Variants in ZCCHC9 observed in about 807,000 individuals in gnomAD.
ZCCHC9 encodes zinc finger CCHC-type containing 9.
ZCCHC9 carries 18 observed loss-of-function variants against 30.8 expected under a neutral mutation model. That is an observed-to-expected ratio of 0.58 (90% CI 0.40 to 0.87). The LOEUF is 0.87. ZCCHC9 is among the 40% of genes least tolerant of loss of function. ZCCHC9 has a pLI of 0.00. For synonymous variants in ZCCHC9, 94 were observed against 106.7 expected, an observed-to-expected ratio of 0.88 and a Z score of 0.73; for missense variants, 279 against 331.2, an observed-to-expected ratio of 0.84 and a Z score of 1.22.
rs1758150698 is a variant in ZCCHC9, at chr5:81,308,361, T to C, written c.385-200T>C. The C allele has an allele frequency of 5.4e-6, 3 of 559,184 alleles. 1 individual carries two copies. The East Asian group carries it at 1.0e-4, about 19-fold the overall frequency. 34.6% of individuals were successfully genotyped at this position (559,184 alleles called of 1,614,324 possible). On this transcript the variant is annotated intron_variant, in intron 2 of 5. Coordinates refer to ENST00000407610, the MANE Select transcript of ZCCHC9 (RefSeq NM_001131035.2). ...ATTTATGGATTTATTGATTGAGGTTTTCAAAAGCAATGAAACCCTCTGATG... is the reference window on the plus strand; with the variant it reads ...ATTTATGGATTTATTGATTGAGGTTCTCAAAAGCAATGAAACCCTCTGATG...
chr5:81,303,941 C>T (rs754287453), intron 1 of ZCCHC9: 8 of 152,138 alleles, frequency 5.3e-5, no homozygotes, highest in Non-Finnish European at 1.2e-4. Flanking sequence ...GTGACCAAAA[C>T]TTTTTTCCAT....
intron 5 of ZCCHC9, among the ~76,000 whole-genome samples, chr5:81,311,490 TA>T (rs1201978210): frequency 2.6e-5 from 4 of 152,156 alleles, no homozygotes; most frequent in African/African-American, 9.7e-5. Context: ...CAGTAAGCCT[TA>T]GGGGACCCTG....
rs749747517 is a variant in ZCCHC9 at position 81,308,615 on chromosome 5, C to G, written c.439C>G (p.Leu147Val). Reference protein sequence around the residue: ...GHGIADCPAALENQDMGTGIC... With the variant: ...GHGIADCPAAVENQDMGTGIC... ...TGGAATTGCAGATTGCCCCGCCGCC[C>G]TTGAAAATCAAGACATGGGCACTGG... is the stretch of plus-strand genomic sequence containing the variant. Residue 147 changes from leucine (L) to valine (V), a missense_variant, in exon 3 of 6, where the codon CTT becomes GTT. Physicochemically the swap from Leu to Val is conservative, Grantham distance 32. Coordinates refer to ENST00000407610, the MANE Select transcript of ZCCHC9 (RefSeq NM_001131035.2). 6.2e-7 allele frequency: 1 copy of G among 1,613,690 alleles called. No individual in the cohort carries two copies. The highest frequency in any genetic ancestry group is 1.1e-5 in the South Asian group (1 of 91,042).
At chr5:81,308,505 TAATA>T in intron 2 of ZCCHC9, 52 bp from the exon 3 acceptor site, 1 of 1,479,958 alleles carries the variant, frequency 6.8e-7, no homozygotes, top group Non-Finnish European at 9.0e-7. Flanking sequence ...TAACAAGAAT[TAATA>T]AAGTCACTGG....
In ZCCHC9 at chr5:81,313,071, A is replaced by G. The variant is rs565157474; in HGVS notation, c.*409A>G. The G allele has an allele frequency of 5.9e-5, 9 of 152,664 alleles. No homozygotes were observed. Among genetic ancestry groups the G allele is most frequent in the Non-Finnish European group, 1.0e-4 (7 of 68,276 alleles). The allele number at this position is 152,664 out of a possible 1,614,324, so 9.5% of individuals were successfully genotyped here. A position where few individuals can be genotyped will look rare whatever the true frequency, so the allele number is the denominator to read the frequency against. On this transcript the variant is annotated 3_prime_UTR_variant, in exon 6 of 6. Coordinates refer to ENST00000407610, the MANE Select transcript of ZCCHC9 (RefSeq NM_001131035.2). The stretch of plus-strand genomic sequence containing the variant: ...CAAAGTATCAATTTATTATTATAAT[A>G]GAAATTTATAAGTTGCTAGAAAGTC...
At chr5:81,307,498 C>A (rs1247783907) in intron 2 of ZCCHC9, among the ~76,000 whole-genome samples, 1 of 150,810 alleles carries the variant, frequency 6.6e-6, no homozygotes, top group Non-Finnish European at 1.5e-5. Flanking sequence ...CTAAAAAATA[C>A]CAAAATTAGC....
In ZCCHC9 at chr5:81,308,995, G is replaced by A. The variant is rs1758182447; in HGVS notation, c.585G>A (p.Leu195=). 2 of 1,613,352 alleles carry A rather than the reference G, an allele frequency of 1.2e-6. No homozygotes were observed. The highest frequency in any genetic ancestry group is 1.1e-5 in the South Asian group (1 of 90,866). Reference sequence around the variant, plus strand: ...TTGTTTGTGGAGAAATGGGGCACCTGTCTAGATCTTGTCCTGATAATCCCA... The same window carrying A: ...TTGTTTGTGGAGAAATGGGGCACCTATCTAGATCTTGTCCTGATAATCCCA... ...KCFVCGEMGH[L]SRSCPDNPKG... is the part of the protein sequence containing the mutation. The change falls in exon 4 of 6, where the codon CTG becomes CTA. Residue 195 remains leucine (L), a synonymous_variant. Transcript: ENST00000407610.
chr5:81,304,940 C>T lies in ZCCHC9; in HGVS notation c.183C>T (p.Asn61=), dbSNP rs768394260. 5.6e-6 allele frequency: 9 copies of T among 1,609,926 alleles called. No individual in the cohort carries two copies. Among genetic ancestry groups the T allele is most frequent in the Non-Finnish European group, 7.6e-6 (9 of 1,178,934 alleles). ...NDAPQAKHKK[N]KKKKEYLNED... ...CACCCCAAGCAAAACATAAAAAGAA[C>T]AAAAAGAAAAAAGAGTACTTAAATG... Residue 61 remains asparagine, a synonymous_variant, in exon 2 of 6, where the codon AAC becomes AAT. Transcript: ENST00000407610.
chr5:81,305,595 CAA>C (rs33971441), intron 2 of ZCCHC9, among the ~76,000 whole-genome samples: 4 of 132,934 alleles, frequency 3.0e-5, no homozygotes, highest in East Asian at 4.5e-4. Context: ...CCATGTCTAC[CAA>C]AAAAAAAAAA....
rs149949449 is a variant in ZCCHC9 at position 81,308,797 on chromosome 5, C to T, written c.535+86C>T. The stretch of plus-strand genomic sequence containing the variant: ...GGTATTTTTTTAACACAATTTGTTA[C>T]GAGTGTGCCACTTAGTATTTGGAAA... On this transcript the variant is annotated intron_variant, in intron 3 of 5. Coordinates refer to ENST00000407610, the MANE Select transcript of ZCCHC9 (RefSeq NM_001131035.2). The T allele has an allele frequency of 3.0e-4, 445 of 1,504,798 alleles. 1 individual carries two copies. In the African/African-American group the frequency reaches 5.1e-3, roughly 17 times the overall value. The allele number at this position is 1,504,798 out of a possible 1,614,324, so 93.2% of individuals were successfully genotyped here.
chr5:81,310,744 A>T (rs1483882847), intron 4 of ZCCHC9, among the ~76,000 whole-genome samples: 1 of 152,174 alleles, frequency 6.6e-6, no homozygotes, highest in African/African-American at 2.4e-5. Context: ...TTCTTTCATA[A>T]ATGCTTACCC....
rs997060897 is a variant in ZCCHC9 at position 81,308,858 on chromosome 5, T to C, written c.536-88T>C. The C allele has an allele frequency of 1.0e-5, 14 of 1,388,342 alleles. No homozygotes were observed. In the African/African-American group the frequency reaches 1.2e-4, roughly 12 times the overall value. 86.0% of individuals were successfully genotyped at this position (1,388,342 alleles called of 1,614,324 possible). A position where few individuals can be genotyped will look rare whatever the true frequency, so the allele number is the denominator to read the frequency against. ...TTAAATTTTAAGTTATGTAAATATA[T>C]TTTTTATTCAGAGTATTTTAAAATA... On this transcript the variant is annotated intron_variant, in intron 3 of 5. Coordinates refer to ENST00000407610, the MANE Select transcript of ZCCHC9 (RefSeq NM_001131035.2).
At chr5:81,308,400 G>A (rs1410873814) in intron 2 of ZCCHC9, 161 bp from the exon 3 acceptor site, 15 of 808,476 alleles carry the variant, frequency 1.9e-5, no homozygotes, top group African/African-American at 7.1e-5. Context: ...AGGATATCTC[G>A]TTGTTTAGGA....
At chr5:81,304,608 TAAA>T (rs1021602543) in intron 1 of ZCCHC9, 130 bp from the exon 2 acceptor site, 23 of 688,226 alleles carry the variant, frequency 3.3e-5, no homozygotes, top group African/African-American at 3.1e-4. Flanking sequence ...CTAACTGAAA[TAAA>T]AAGTGTTTTA....
chr5:81,308,617 T>C lies in ZCCHC9; in HGVS notation c.441T>C (p.Leu147=). ...GHGIADCPAA[L]ENQDMGTGIC... ...GAATTGCAGATTGCCCCGCCGCCCT[T>C]GAAAATCAAGACATGGGCACTGGGA... The change falls in exon 3 of 6, where the codon CTT becomes CTC. Residue 147 remains leucine (L), a synonymous_variant. Transcript: ENST00000407610. 6.2e-7 allele frequency: 1 copy of C among 1,613,768 alleles called. No homozygotes were observed. Among genetic ancestry groups the C allele is most frequent in the Admixed American group, 1.7e-5 (1 of 59,864 alleles).
At chr5:81,307,863 TAC>T (rs1248691256) in intron 2 of ZCCHC9, among the ~76,000 whole-genome samples, 21 of 150,776 alleles carry the variant, frequency 1.4e-4, no homozygotes, top group Admixed American at 1.3e-3. Flanking sequence ...CAGGTGGTGG[TAC>T]ACACCTGTAA....
At chr5:81,306,702 A>T (rs916859099) in intron 2 of ZCCHC9, among the ~76,000 whole-genome samples, 2 of 152,170 alleles carry the variant, frequency 1.3e-5, no homozygotes, top group African/African-American at 4.8e-5. Context: ...TAATAAAATG[A>T]TATGCTATAG....
In ZCCHC9 at chr5:81,311,059, A is replaced by G; in HGVS notation, c.629-152A>G. ...GTTAAAAGGAATGGAGAATGAATTA[A>G]TAGGAATAGTGGCACCTCCCTATGA... is the stretch of plus-strand genomic sequence containing the variant. On this transcript the variant is annotated intron_variant, in intron 4 of 5. Transcript: ENST00000407610. 5.4e-6 allele frequency: 4 copies of G among 747,372 alleles called. No individual in the cohort carries two copies. In the East Asian group the frequency reaches 9.8e-5, roughly 18 times the overall value. The allele number at this position is 747,372 out of a possible 1,614,324, so 46.3% of individuals were successfully genotyped here.
chr5:81,309,468 G>A (rs1758202135), intron 4 of ZCCHC9, among the ~76,000 whole-genome samples: 1 of 152,130 alleles, frequency 6.6e-6, no homozygotes, highest in African/African-American at 2.4e-5. Context: ...TTTTTTCTTA[G>A]TTATTTGTCT....
Sources: allele counts gnomAD v4.1 joint callset (sites outside exome capture counted in the v4.1 genomes callset), GRCh38; gene constraint gnomAD v4.1.1; transcripts MANE v1.5; gene names NCBI Gene and HGNC (gene_info 2026-07-23, HGNC 2026-07-21).